ROBO2: variants seen among roughly 807,000 people sequenced by gnomAD.
The protein encoded by ROBO2 is roundabout homolog 2.
A neutral mutation model predicts 160.8 loss-of-function variants in ROBO2; 53 were observed. The ratio of observed to expected loss-of-function variants is 0.33; its 90% confidence interval spans 0.26 to 0.41. ROBO2 has a LOEUF of 0.41. ROBO2 is among the 10% of genes least tolerant of loss of function. The pLI is 1.00. For synonymous variants in ROBO2, 664 were observed against 611.7 expected (o/e 1.09, Z -1.26); for missense variants, 1,577 against 1,722.4 (o/e 0.92, Z 1.49).
At chr3:76,771,041 A>T (rs1182858565) in intron 2 of ROBO2, among the ~76,000 whole-genome samples, 1 of 151,256 alleles carries the variant, frequency 6.6e-6, no homozygotes, top group Non-Finnish European at 1.5e-5. Context: ...ACATCTATAT[A>T]TTTTTATCTG....
chr3:77,431,729 A>G (rs1257318050), intron 2 of ROBO2, among the ~76,000 whole-genome samples: 11 of 152,182 alleles, frequency 7.2e-5, no homozygotes. Context: ...GTCAGTGATG[A>G]AAAGGGGCAG....
chr3:76,998,544 C>T (rs1009305881), intron 2 of ROBO2, among the ~76,000 whole-genome samples: 1 of 152,060 alleles, frequency 6.6e-6, no homozygotes, highest in Non-Finnish European at 1.5e-5. Flanking sequence ...AATAGTAAGA[C>T]AAATATTATT....
intron 2 of ROBO2, among the ~76,000 whole-genome samples, chr3:77,018,590 T>G (rs2149494199): frequency 6.6e-6 from 1 of 152,322 alleles, no homozygotes; most frequent in Non-Finnish European, 1.5e-5. Flanking sequence ...GTTATTAAAA[T>G]ATTTTACATC....
intron 2 of ROBO2, among the ~76,000 whole-genome samples, chr3:77,180,410 C>CTA (rs1306675292): frequency 1.3e-3 from 129 of 97,982 alleles, no homozygotes; most frequent in African/African-American, 4.2e-3. Context: ...CTCTCTCTCT[C>CTA]TCTCTCTATA....
At chr3:77,291,017 C>A (rs1441327102) in intron 2 of ROBO2, among the ~76,000 whole-genome samples, 1 of 141,974 alleles carries the variant, frequency 7.0e-6, no homozygotes, top group African/African-American at 2.6e-5. Flanking sequence ...CTAGATCACC[C>A]CAGACATGAA....
At chr3:76,810,646 A>C (rs2108983128) in intron 2 of ROBO2, among the ~76,000 whole-genome samples, 1 of 152,282 alleles carries the variant, frequency 6.6e-6, no homozygotes, top group African/African-American at 2.4e-5. Flanking sequence ...ACAATTTAAA[A>C]GGATTCAAGA....
In ROBO2 at chr3:77,596,605, T is replaced by A. The variant is rs997287846; in HGVS notation, c.2727-18T>A. The A allele has an allele frequency of 3.3e-5, 54 of 1,613,636 alleles. No homozygotes were observed. Among genetic ancestry groups the A allele is most frequent in the Non-Finnish European group, 4.2e-5 (50 of 1,179,728 alleles). On this transcript the variant is annotated intron_variant, in intron 18 of 25. Transcript: ENST00000461745. The stretch of plus-strand genomic sequence containing the variant: ...CATTGAGCTCCATGTGTTGATTTCC[T>A]TGTAATTTCTGTTTTAGCCGTCCAG...
chr3:76,310,514 T>A (rs1236538688), intron 2 of ROBO2, among the ~76,000 whole-genome samples: 1 of 152,230 alleles, frequency 6.6e-6, no homozygotes, highest in African/African-American at 2.4e-5. Flanking sequence ...GGGAGAAAAA[T>A]TATATACTTA....
chr3:76,426,111 A>G (rs563614624), intron 2 of ROBO2, among the ~76,000 whole-genome samples: 6 of 152,296 alleles, frequency 3.9e-5, no homozygotes, highest in Admixed American at 2.0e-4. Context: ...GAAAGTTTCA[A>G]TGTGGATGAA....
intron 2 of ROBO2, among the ~76,000 whole-genome samples, chr3:76,978,952 A>G (rs2059952212): frequency 6.6e-6 from 1 of 151,676 alleles, no homozygotes; most frequent in Non-Finnish European, 1.5e-5. Flanking sequence ...TTTAAAAAAA[A>G]AAAAAAGAAA....
At chr3:76,840,655 ATATAT>A (rs2068161612) in intron 2 of ROBO2, among the ~76,000 whole-genome samples, 1 of 101,116 alleles carries the variant, frequency 9.9e-6, no homozygotes, top group Non-Finnish European at 2.0e-5. Context: ...TTATATATAT[ATATAT>A]ATATATATAT....
chr3:77,594,982 ACCAC>A (rs1437460790), intron 17 of ROBO2, among the ~76,000 whole-genome samples, 156 bp from the exon 19 acceptor site: 2 of 152,162 alleles, frequency 1.3e-5, no homozygotes, highest in Non-Finnish European at 2.9e-5. Flanking sequence ...CTTGGGCCAA[ACCAC>A]TGCTTGTTAC....
intron 2 of ROBO2, among the ~76,000 whole-genome samples, chr3:77,216,303 C>T (rs1032599810): frequency 1.5e-4 from 23 of 152,260 alleles, no homozygotes; most frequent in African/African-American, 3.4e-4. Flanking sequence ...GCCTCACTGC[C>T]GCCTTGCAGT....
chr3:76,445,911 T>C (rs2077158026), intron 2 of ROBO2, among the ~76,000 whole-genome samples: 1 of 152,154 alleles, frequency 6.6e-6, no homozygotes, highest in Admixed American at 6.6e-5. Context: ...GAGCTATTTA[T>C]GACAAACCCA....
intron 2 of ROBO2, among the ~76,000 whole-genome samples, chr3:76,839,579 G>A (rs1163357399): frequency 6.6e-6 from 1 of 152,122 alleles, no homozygotes; most frequent in East Asian, 1.9e-4. Context: ...GTATTTTGTT[G>A]AGGATTATTG....
intron 2 of ROBO2, among the ~76,000 whole-genome samples, chr3:77,239,657 G>A (rs1206033410): frequency 2.0e-5 from 3 of 152,170 alleles, no homozygotes; most frequent in Non-Finnish European, 4.4e-5. Context: ...CCCTGAGCTA[G>A]ACACAGAGTG....
intron 2 of ROBO2, among the ~76,000 whole-genome samples, chr3:77,101,061 T>G (rs552719614): frequency 6.6e-6 from 1 of 152,242 alleles, no homozygotes; most frequent in East Asian, 1.9e-4. Flanking sequence ...TCTAAGCTAT[T>G]TTGTTATGAG....
At chr3:76,073,050 T>A (rs73842964) in intron 2 of ROBO2, among the ~76,000 whole-genome samples, 3,127 of 152,200 alleles carry the variant, frequency 0.021, 44 homozygotes, top group East Asian at 0.081. Flanking sequence ...TTGTCCCTAT[T>A]CTTTCCCCAG....
At chr3:76,356,365 T>A (rs1222319822) in intron 2 of ROBO2, among the ~76,000 whole-genome samples, 1 of 151,268 alleles carries the variant, frequency 6.6e-6, no homozygotes, top group Non-Finnish European at 1.5e-5. Flanking sequence ...AGGGATAGAA[T>A]TAAGAAAAAA....
Sources: allele counts gnomAD v4.1 joint callset (sites outside exome capture counted in the v4.1 genomes callset), GRCh38; gene constraint gnomAD v4.1.1; transcripts MANE v1.5; gene names NCBI Gene and HGNC (gene_info 2026-07-23, HGNC 2026-07-21).